The following PRKCE variants were observed in gnomAD, a reference collection of about 807,000 sequenced individuals.
PRKCE encodes the protein protein kinase C epsilon.
A neutral mutation model predicts 85.4 loss-of-function variants in PRKCE; 16 were observed. The observed-to-expected ratio is 0.19, with a 90% CI of 0.13 to 0.28. The LOEUF (loss-of-function observed/expected upper bound fraction) is 0.28, where lower values mean the gene tolerates loss of function less well. Ranked by LOEUF, PRKCE falls within the 10% of genes least tolerant of loss-of-function variation. PRKCE has a pLI of 1.00. For synonymous variants in PRKCE, 388 were observed against 371.5 expected, an observed-to-expected ratio of 1.04 and a Z score of -0.51; for missense variants, 573 against 975.2, an observed-to-expected ratio of 0.59 and a Z score of 5.49.
At chr2:45,853,325 C>T (rs1692425748) in intron 2 of PRKCE, among the ~76,000 whole-genome samples, 1 of 152,168 alleles carries the variant, frequency 6.6e-6, no homozygotes, top group African/African-American at 2.4e-5. Flanking sequence ...AAGATGAGAA[C>T]AAGAAGCAAT....
At position 46,013,931 on chromosome 2, in the gene PRKCE, G is replaced by A. The variant is rs1574228647; in HGVS notation, c.1437+3414G>A. Among the ~76,000 whole-genome samples, 2 of 152,256 alleles carry A rather than the reference G, an allele frequency of 1.3e-5. 1 individual carries two copies. Among genetic ancestry groups the A allele is most frequent in the South Asian group, 4.2e-4 (2 of 4,816 alleles). ...ACCATATCTAATACGGTGACCAATG[G>A]CAATGGTCATATGAACCCATTGGCA... On this transcript the variant is annotated intron_variant, in intron 10 of 14. Coordinates refer to ENST00000306156, the MANE Select transcript of PRKCE (RefSeq NM_005400.3).
chr2:46,131,029 T>A (rs757911306), intron 11 of PRKCE, among the ~76,000 whole-genome samples: 15 of 152,150 alleles, frequency 9.9e-5, no homozygotes, highest in Non-Finnish European at 1.5e-4. Flanking sequence ...TTACTAATAT[T>A]TCATCCACAT....
intron 2 of PRKCE, among the ~76,000 whole-genome samples, chr2:45,865,584 CG>C (rs1693526305): frequency 6.6e-6 from 1 of 152,112 alleles, no homozygotes; most frequent in African/African-American, 2.4e-5. Context: ...ATTATTAAGC[CG>C]TGAGAGAGAC....
rs765530501 is a variant in PRKCE at position 45,895,053 on chromosome 2, A to C, written c.412+51990A>C. ...TGTTTTGAGTGAACACATAAATGTC[A>C]TCAATGATTCCGTCTCTACCTGGGT... On this transcript the variant is annotated intron_variant, in intron 2 of 14. Transcript: ENST00000306156. The surrounding 1 kb of genome is among the most constrained non-coding windows in gnomAD (Gnocchi z 4.8). Among the ~76,000 whole-genome samples, 7 of 152,224 alleles carry C rather than the reference A, an allele frequency of 4.6e-5. No homozygotes were observed. Among genetic ancestry groups the C allele is most frequent in the Non-Finnish European group, 8.8e-5 (6 of 68,038 alleles).
At chr2:45,717,246 G>A (rs989573043) in intron 1 of PRKCE, among the ~76,000 whole-genome samples, 9 of 152,188 alleles carry the variant, frequency 5.9e-5, no homozygotes, top group African/African-American at 2.2e-4. Flanking sequence ...CCACAGTACA[G>A]CTTCTGTAGC....
At chr2:46,104,911 C>A (rs564132064) in intron 11 of PRKCE, among the ~76,000 whole-genome samples, 2 of 152,226 alleles carry the variant, frequency 1.3e-5, no homozygotes, top group Non-Finnish European at 2.9e-5. Flanking sequence ...TGATTATAAA[C>A]CTGATTGCAT....
intron 1 of PRKCE, among the ~76,000 whole-genome samples, chr2:45,758,720 A>G (rs11684301): frequency 0.24 from 36,651 of 152,136 alleles, 4,895 homozygotes; most frequent in Middle Eastern, 0.37. Flanking sequence ...CTTTAAGAAT[A>G]TGGACTTTGT....
At chr2:46,115,472 A>G (rs1196240625) in intron 11 of PRKCE, among the ~76,000 whole-genome samples, 1 of 152,242 alleles carries the variant, frequency 6.6e-6, no homozygotes, top group East Asian at 1.9e-4. Context: ...TGGCTGGAAA[A>G]ATAAGCTGAG....
intron 2 of PRKCE, among the ~76,000 whole-genome samples, chr2:45,950,443 A>G (rs1306344757): frequency 1.3e-5 from 2 of 152,202 alleles, no homozygotes; most frequent in Non-Finnish European, 2.9e-5. Flanking sequence ...GCAGAATTTC[A>G]GTTACACTGA....
intron 1 of PRKCE, among the ~76,000 whole-genome samples, chr2:45,838,127 G>C (rs1171694339): frequency 2.6e-5 from 4 of 152,190 alleles, no homozygotes; most frequent in Non-Finnish European, 5.9e-5. Context: ...GGGTGGTCAA[G>C]GTGTCTGAGG....
intron 2 of PRKCE, among the ~76,000 whole-genome samples, chr2:45,853,066 G>A (rs958078064): frequency 2.6e-5 from 4 of 152,172 alleles, no homozygotes; most frequent in Admixed American, 6.5e-5. Context: ...AACTAAGAAG[G>A]AAATGTGCAG....
chr2:46,086,141 A>G, intron 10 of PRKCE, 67 bp from the exon 11 acceptor site: 1 of 1,531,578 alleles, frequency 6.5e-7, no homozygotes. Context: ...CTGAGCTCAC[A>G]CTAAGCTGGC....
At chr2:45,874,036 C>T (rs1694288653) in intron 2 of PRKCE, among the ~76,000 whole-genome samples, 1 of 152,224 alleles carries the variant, frequency 6.6e-6, no homozygotes, top group Non-Finnish European at 1.5e-5. Context: ...GTGTTCCCCA[C>T]CTCATAGCAA....
chr2:45,760,907 T>C (rs1684416668), intron 1 of PRKCE, among the ~76,000 whole-genome samples: 1 of 152,168 alleles, frequency 6.6e-6, no homozygotes, highest in Non-Finnish European at 1.5e-5. Context: ...GAGCTGACCT[T>C]GTCTCTTTAC....
chr2:45,669,396 C>T (rs1057116847), intron 1 of PRKCE, among the ~76,000 whole-genome samples: 5 of 152,148 alleles, frequency 3.3e-5, no homozygotes, highest in Non-Finnish European at 7.3e-5. Context: ...TTTTAGAACC[C>T]GGAGGGAGCA....
intron 2 of PRKCE, among the ~76,000 whole-genome samples, chr2:45,952,456 A>C (rs1443908106): frequency 1.3e-5 from 2 of 152,192 alleles, no homozygotes; most frequent in Non-Finnish European, 2.9e-5. Flanking sequence ...GGAAGTATAC[A>C]TTCTAAAGGA....
At chr2:46,051,941 A>G (rs1192971859) in intron 10 of PRKCE, among the ~76,000 whole-genome samples, 1 of 152,164 alleles carries the variant, frequency 6.6e-6, no homozygotes, top group African/African-American at 2.4e-5. Context: ...AGATCTCGTG[A>G]GAAGTCACTA....
At chr2:45,984,520 G>A in intron 5 of PRKCE, 31 bp from the exon 6 acceptor site, 1 of 1,597,624 alleles carries the variant, frequency 6.3e-7, no homozygotes, top group Non-Finnish European at 8.5e-7. Flanking sequence ...GAGGAGCTCG[G>A]TGGTGAACCT....
intron 1 of PRKCE, among the ~76,000 whole-genome samples, chr2:45,744,580 TTTTC>T (rs1011185546): frequency 3.4e-5 from 5 of 147,822 alleles, no homozygotes; most frequent in African/African-American, 7.5e-5. Flanking sequence ...CTTCCTTTCT[TTTTC>T]TTTCTTTCTT....
Sources: allele counts gnomAD v4.1 joint callset (sites outside exome capture counted in the v4.1 genomes callset), GRCh38; gene constraint gnomAD v4.1.1; non-coding constraint Gnocchi (gnomAD v3.1); transcripts MANE v1.5; gene names NCBI Gene and HGNC (gene_info 2026-07-23, HGNC 2026-07-21).